Variants in CACNA1C observed in about 807,000 individuals in gnomAD.
The protein encoded by CACNA1C is calcium voltage-gated channel subunit alpha1 C, also known as voltage-dependent L-type calcium channel subunit alpha-1C.
A neutral mutation model predicts 229.0 loss-of-function variants in CACNA1C; 30 were observed. The ratio of observed to expected loss-of-function variants is 0.13; its 90% CI spans 0.10 to 0.18. The LOEUF (loss-of-function observed/expected upper bound fraction) is 0.18. Ranked by LOEUF, CACNA1C falls within the 10% of genes least tolerant of loss-of-function variation. The pLI is 1.00. For missense variants in CACNA1C, 1,658 were observed against 2,845.0 expected, an observed-to-expected ratio of 0.58 and a Z score of 9.49; for synonymous variants, 1,114 against 1,132.5, an observed-to-expected ratio of 0.98 and a Z score of 0.33.
chr12:2,316,614 G>A (rs1175331866), intron 3 of CACNA1C, among the ~76,000 whole-genome samples: 2 of 152,212 alleles, frequency 1.3e-5, no homozygotes, highest in Non-Finnish European at 2.9e-5. Flanking sequence ...AGGTGGAATA[G>A]CATGTATATG....
chr12:2,332,826 A>G (rs1235884536), intron 3 of CACNA1C, among the ~76,000 whole-genome samples: 1 of 152,260 alleles, frequency 6.6e-6, no homozygotes. Context: ...TACGCATTAT[A>G]AATCTGGAAG....
At chr12:2,625,022 C>T (rs986304837) in intron 29 of CACNA1C, among the ~76,000 whole-genome samples, 7 of 152,296 alleles carry the variant, frequency 4.6e-5, no homozygotes, top group African/African-American at 1.2e-4. Context: ...AGAGTGCCCA[C>T]GGGGCACCGG....
intron 3 of CACNA1C, among the ~76,000 whole-genome samples, chr12:2,411,196 C>T (rs1399013351): frequency 2.0e-5 from 3 of 152,058 alleles, no homozygotes; most frequent in Non-Finnish European, 2.9e-5. Context: ...ACCACTCGAG[C>T]GGGGAAGAAG....
chr12:2,158,303 G>C (rs577418110), intron 3 of CACNA1C, among the ~76,000 whole-genome samples: 160 of 152,336 alleles, frequency 1.1e-3, no homozygotes, highest in Non-Finnish European at 1.9e-3. Flanking sequence ...TCTAGGCTGG[G>C]CACAGTGGCT....
At chr12:2,405,339 T>G (rs943453597) in intron 3 of CACNA1C, among the ~76,000 whole-genome samples, 3 of 152,208 alleles carry the variant, frequency 2.0e-5, no homozygotes, top group Admixed American at 1.3e-4. Context: ...TAGGTTCATG[T>G]GACCACTGCC....
At chr12:2,265,634 G>A (rs575110852) in intron 3 of CACNA1C, among the ~76,000 whole-genome samples, 187 of 152,392 alleles carry the variant, frequency 1.2e-3, no homozygotes, top group Non-Finnish European at 1.5e-3. Flanking sequence ...ACGCTGTGCA[G>A]TGGTTTCTCT....
At chr12:2,560,123 G>A (rs571438019) in intron 11 of CACNA1C, among the ~76,000 whole-genome samples, 205 of 152,286 alleles carry the variant, frequency 1.3e-3, no homozygotes, top group South Asian at 5.4e-3. Flanking sequence ...GCAAGGCCAC[G>A]TGGCCCTGGA....
chr12:2,523,589 G>C (rs1019080711), intron 9 of CACNA1C, among the ~76,000 whole-genome samples: 1 of 152,160 alleles, frequency 6.6e-6, no homozygotes, highest in Non-Finnish European at 1.5e-5. Flanking sequence ...CCCCGGGGGG[G>C]ATCACTGACA....
chr12:2,521,157 A>T (rs1010743884), intron 9 of CACNA1C, among the ~76,000 whole-genome samples: 1 of 152,200 alleles, frequency 6.6e-6, no homozygotes, highest in African/African-American at 2.4e-5. Context: ...CAGAAGAAGG[A>T]TTCCCACACC....
At chr12:2,562,281 AT>A (rs1365077698) in intron 11 of CACNA1C, among the ~76,000 whole-genome samples, 1 of 152,206 alleles carries the variant, frequency 6.6e-6, no homozygotes, top group Non-Finnish European at 1.5e-5. Flanking sequence ...AAGCTCTCAT[AT>A]TAAACCCACT....
chr12:2,656,873 A>C (rs569703280), intron 34 of CACNA1C, among the ~76,000 whole-genome samples: 2 of 152,244 alleles, frequency 1.3e-5, no homozygotes, highest in Non-Finnish European at 2.9e-5. Context: ...AAGAGGAAAA[A>C]GGGAATTACT....
chr12:2,478,465 A>G (rs1025172586), intron 5 of CACNA1C, among the ~76,000 whole-genome samples: 7 of 152,158 alleles, frequency 4.6e-5, no homozygotes, highest in Non-Finnish European at 7.3e-5. Context: ...GAGAATTACA[A>G]TCCACATTTT....
At position 2,679,420 on chromosome 12, in the gene CACNA1C, C is replaced by T. The variant is rs559332312; in HGVS notation, c.5092-24C>T. On this transcript the variant is annotated intron_variant, in intron 41 of 46. Transcript: ENST00000399655. The surrounding 1 kb of genome is among the most constrained non-coding windows in gnomAD (Gnocchi z 5.5). ...GAGTGGGTGCTAAGGGGCTTCTCCA[C>T]CCACCCCTCCTTCTTGCCTACAGAG... 3.2e-5 allele frequency: 48 copies of T among 1,484,742 alleles called. No individual in the cohort carries two copies. The East Asian group carries it at 1.1e-3, about 33-fold the overall frequency. The allele number at this position is 1,484,742 out of a possible 1,614,324, so 92.0% of individuals were successfully genotyped here.
intron 3 of CACNA1C, among the ~76,000 whole-genome samples, chr12:2,405,517 T>G (rs1303117165): frequency 6.6e-6 from 1 of 152,252 alleles, no homozygotes; most frequent in Non-Finnish European, 1.5e-5. Context: ...TTCTTGCGTT[T>G]CTGTGGATTC....
chr12:2,650,220 C>T (rs1257650316), intron 31 of CACNA1C, among the ~76,000 whole-genome samples: 3 of 152,344 alleles, frequency 2.0e-5, no homozygotes, highest in South Asian at 2.1e-4. Context: ...AGAGTGGTGG[C>T]TGCCTTCGGG....
chr12:2,420,147 G>A (rs929330955), intron 3 of CACNA1C, among the ~76,000 whole-genome samples: 38 of 143,032 alleles, frequency 2.7e-4, no homozygotes, highest in Admixed American at 6.5e-4. Flanking sequence ...GTGTGTGTGT[G>A]TAGGGGGAGG....
chr12:2,543,574 A>C (rs1222312576), intron 9 of CACNA1C, among the ~76,000 whole-genome samples: 1 of 152,256 alleles, frequency 6.6e-6, no homozygotes, highest in Non-Finnish European at 1.5e-5. Context: ...CTTATGGGAT[A>C]AACTATCGCA....
At chr12:2,305,080 T>G (rs2094907259) in intron 3 of CACNA1C, among the ~76,000 whole-genome samples, 1 of 152,176 alleles carries the variant, frequency 6.6e-6, no homozygotes, top group African/African-American at 2.4e-5. Context: ...AGAGACTCCT[T>G]GGCAGGGGCT....
intron 1 of CACNA1C, chr12:1,991,550 CT>C (rs891578089): frequency 0.015 from 3,251 of 219,124 alleles, no homozygotes; most frequent in South Asian, 0.032. Flanking sequence ...AGGTTTTTTC[CT>C]TTTTTTTTTG....
Sources: gnomAD v4.1 joint callset for allele counts (sites outside exome capture counted in the v4.1 genomes callset) on GRCh38, gnomAD v4.1.1 for gene constraint, Gnocchi (gnomAD v3.1) non-coding constraint, MANE v1.5 for transcripts, NCBI Gene and HGNC (gene_info 2026-07-23, HGNC 2026-07-21) for gene names.